The following FHOD3 variants were observed in gnomAD, a reference collection of about 807,000 sequenced individuals.
FHOD3 encodes formin homology 2 domain containing 3.
A neutral mutation model predicts 173.0 loss-of-function variants in FHOD3; 90 were observed. The ratio of observed to expected loss-of-function variants is 0.52; its 90% confidence interval spans 0.44 to 0.62. FHOD3 has a LOEUF of 0.62. Among genes scored for constraint, FHOD3 ranks in the 20% least tolerant of loss-of-function variants. The probability of loss-of-function intolerance (pLI) is 0.00; values close to 1 mark genes in which losing one functional copy is unlikely to be tolerated. For synonymous variants in FHOD3, 828 were observed against 823.0 expected, an observed-to-expected ratio of 1.01 and a Z score of -0.10; for missense variants, 1,945 against 2,034.7, an observed-to-expected ratio of 0.96 and a Z score of 0.85.
chr18:36,298,146 C>T, intron 1 of FHOD3, 146 bp downstream of exon 1: 2 of 696,890 alleles, frequency 2.9e-6, no homozygotes, highest in East Asian at 7.0e-5. Context: ...AATCCCCCTC[C>T]CCGTTAGACA....
chr18:36,539,366 G>C (rs142176593), intron 5 of FHOD3, among the ~76,000 whole-genome samples: 1 of 152,214 alleles, frequency 6.6e-6, no homozygotes, highest in Non-Finnish European at 1.5e-5. Context: ...AATAATTCAC[G>C]TGTATAGAAG....
intron 5 of FHOD3, among the ~76,000 whole-genome samples, chr18:36,560,967 C>T (rs983295629): frequency 3.3e-5 from 5 of 151,720 alleles, no homozygotes; most frequent in African/African-American, 1.2e-4. Context: ...TCTGAATCAC[C>T]CCCATACCCC....
At chr18:36,449,112 A>G (rs1003027896) in intron 3 of FHOD3, among the ~76,000 whole-genome samples, 1 of 151,988 alleles carries the variant, frequency 6.6e-6, no homozygotes, top group African/African-American at 2.4e-5. Context: ...TTAATCCCTA[A>G]TAGTAGAGCT....
At chr18:36,706,728 AC>A (rs1299161452) in intron 17 of FHOD3, among the ~76,000 whole-genome samples, 1 of 152,052 alleles carries the variant, frequency 6.6e-6, no homozygotes, top group East Asian at 1.9e-4. Context: ...CAGCCAACTG[AC>A]CCCATGTCCC....
At chr18:36,549,363 A>G (rs1273025359) in intron 5 of FHOD3, among the ~76,000 whole-genome samples, 1 of 152,056 alleles carries the variant, frequency 6.6e-6, no homozygotes, top group Non-Finnish European at 1.5e-5. Flanking sequence ...GCCTTTTATC[A>G]GATATGTGAT....
At chr18:36,431,883 T>C (rs2050570754) in intron 3 of FHOD3, among the ~76,000 whole-genome samples, 1 of 152,148 alleles carries the variant, frequency 6.6e-6, no homozygotes, top group Non-Finnish European at 1.5e-5. Flanking sequence ...CCTTGAAAAA[T>C]ATACTGTGAC....
chr18:36,438,097 G>A (rs2050917330), intron 3 of FHOD3, among the ~76,000 whole-genome samples: 1 of 152,140 alleles, frequency 6.6e-6, no homozygotes, highest in African/African-American at 2.4e-5. Flanking sequence ...AGGCTGTTAG[G>A]AACCTCCATG....
rs1298144479 is a variant in FHOD3 at position 36,718,701 on chromosome 18, C to A, written c.3403C>A (p.Leu1135Met). The A allele has an allele frequency of 6.2e-7, 1 of 1,612,868 alleles. No individual in the cohort carries two copies. The highest frequency in any genetic ancestry group is 2.2e-5 in the East Asian group (1 of 44,882). The change falls in exon 19 of 29, where the codon CTG becomes ATG. Residue 1135 changes from leucine (L) to methionine (M), a missense_variant. By Grantham distance (15) the Leu-to-Met change is conservative. Transcript: ENST00000590592. The stretch of plus-strand genomic sequence containing the variant: ...CCTGTTTGAGTCTAAATCCAAGGAA[C>A]TGTCTGTCTCAAAGGTACTGCTAGT... ...EHLFESKSKELSVSKKTAADG... is the reference protein window; with the variant it reads ...EHLFESKSKEMSVSKKTAADG...
chr18:36,510,385 A>G (rs2055568691), intron 4 of FHOD3, among the ~76,000 whole-genome samples: 1 of 152,242 alleles, frequency 6.6e-6, no homozygotes, highest in Non-Finnish European at 1.5e-5. Flanking sequence ...TTAATTATCA[A>G]TAAATTTCTC....
intron 3 of FHOD3, among the ~76,000 whole-genome samples, chr18:36,410,660 A>G (rs773313102): frequency 5.9e-5 from 9 of 152,192 alleles, no homozygotes; most frequent in Non-Finnish European, 1.3e-4. Context: ...TGTGGTAAGA[A>G]TTTGTTTTTG....
At chr18:36,476,135 A>C (rs9967144) in intron 3 of FHOD3, among the ~76,000 whole-genome samples, 116,742 of 152,036 alleles carry the variant, frequency 0.77, 45,270 homozygotes, top group East Asian at 0.95. Flanking sequence ...CTGTTTTTTG[A>C]CAGGCACAGT....
chr18:36,298,758 GGTT>G (rs900051285), intron 1 of FHOD3, among the ~76,000 whole-genome samples: 12 of 109,984 alleles, frequency 1.1e-4, no homozygotes, highest in African/African-American at 4.0e-4. Flanking sequence ...CCGTTAGAGA[GGTT>G]TTTTTTTTTT....
At chr18:36,420,843 T>G (rs1382571903) in intron 3 of FHOD3, among the ~76,000 whole-genome samples, 4 of 152,168 alleles carry the variant, frequency 2.6e-5, no homozygotes, top group Non-Finnish European at 5.9e-5. Context: ...GGATAATAAG[T>G]AGGAAGGCTT....
chr18:36,403,243 TC>T (rs1222189214), intron 3 of FHOD3, among the ~76,000 whole-genome samples: 1 of 152,122 alleles, frequency 6.6e-6, no homozygotes, highest in East Asian at 1.9e-4. Context: ...GCAGCTTCCC[TC>T]CTCCCTCTAC....
chr18:36,328,985 G>C (rs1405012465), intron 1 of FHOD3, among the ~76,000 whole-genome samples: 1 of 152,230 alleles, frequency 6.6e-6, no homozygotes, highest in Non-Finnish European at 1.5e-5. Flanking sequence ...GAGTGAGCAA[G>C]GCATAGATGG....
At chr18:36,398,272 T>C (rs2146612517) in intron 3 of FHOD3, among the ~76,000 whole-genome samples, 1 of 152,370 alleles carries the variant, frequency 6.6e-6, no homozygotes, top group East Asian at 1.9e-4. Flanking sequence ...TTGCACCATA[T>C]CTTGGGATGC....
At chr18:36,627,622 GC>G (rs1436930805) in intron 10 of FHOD3, among the ~76,000 whole-genome samples, 1 of 151,724 alleles carries the variant, frequency 6.6e-6, no homozygotes, top group Admixed American at 6.6e-5. Context: ...AATATACTTT[GC>G]AGCTTGTAAA....
rs1304258550 is a variant in FHOD3, at chr18:36,551,953, T to C, written c.512-24498T>C. 2.6e-5 allele frequency among the ~76,000 whole-genome samples: 4 copies of C among 152,224 alleles called. No individual in the cohort carries two copies. In the South Asian group the frequency reaches 6.2e-4, roughly 24 times the overall value. On this transcript the variant is annotated intron_variant, in intron 5 of 28. Transcript: ENST00000590592. ...CGTGATGCCTCCAGCTTTGTTCTTT[T>C]TGCTTAGGATTGACTTGGCAATGCA...
At chr18:36,300,982 T>C (rs771531814) in intron 1 of FHOD3, among the ~76,000 whole-genome samples, 10 of 152,160 alleles carry the variant, frequency 6.6e-5, no homozygotes, top group Non-Finnish European at 1.3e-4. Context: ...CTCAAAGTGA[T>C]CTGCCCACCT....
Sources: gnomAD v4.1 joint callset for allele counts (sites outside exome capture counted in the v4.1 genomes callset) on GRCh38, gnomAD v4.1.1 for gene constraint, MANE v1.5 for transcripts, NCBI Gene and HGNC (gene_info 2026-07-23, HGNC 2026-07-21) for gene names.